The following NCOR1 variants were observed in gnomAD, a reference collection of about 807,000 sequenced individuals.
NCOR1 encodes protein phosphatase 1, regulatory subunit 109.
Under a neutral mutation model 288.1 loss-of-function variants are expected in NCOR1, and 63 were observed. That is an observed-to-expected ratio of 0.22 (90% CI 0.18 to 0.27). The LOEUF (loss-of-function observed/expected upper bound fraction) is 0.27, where lower values mean the gene tolerates loss of function less well. Among genes scored for constraint, NCOR1 ranks in the 10% least tolerant of loss-of-function variants. The probability of loss-of-function intolerance (pLI) is 1.00; values close to 1 mark genes in which losing one functional copy is unlikely to be tolerated. For missense variants in NCOR1, 2,397 were observed against 3,019.2 expected (o/e 0.79, Z 4.83); for synonymous variants, 1,007 against 1,065.9 (o/e 0.94, Z 1.08).
intron 18 of NCOR1, 137 bp downstream of exon 18, chr17:16,117,751 G>T (rs1568129780): frequency 1.1e-6 from 1 of 895,522 alleles, no homozygotes; most frequent in Non-Finnish European, 1.6e-6. Context: ...GAATCCGGGA[G>T]GAAGAGTTTG....
chr17:16,049,014 T>C, intron 40 of NCOR1, 26 bp from the exon 41 acceptor site: 1 of 1,570,126 alleles, frequency 6.4e-7, no homozygotes, highest in Non-Finnish European at 8.7e-7. Context: ...AAATATTAGA[T>C]TGTGTTTCAA....
At chr17:16,053,684 A>C (rs1216792497) in intron 40 of NCOR1, among the ~76,000 whole-genome samples, 1 of 152,184 alleles carries the variant, frequency 6.6e-6, no homozygotes, top group African/African-American at 2.4e-5. Context: ...ACAGAACTAC[A>C]AAAAACTATT....
intron 18 of NCOR1, among the ~76,000 whole-genome samples, chr17:16,110,523 T>C (rs1339826691): frequency 6.6e-6 from 1 of 152,216 alleles, no homozygotes; most frequent in Non-Finnish European, 1.5e-5. Flanking sequence ...GTTAGCTATT[T>C]ACATTATATT....
At chr17:16,092,691 ATATATTTTT>A (rs1169331081) in intron 21 of NCOR1, among the ~76,000 whole-genome samples, 58 of 10,780 alleles carry the variant, frequency 5.4e-3, no homozygotes, top group East Asian at 0.017. Context: ...ATATATATAT[ATATATTTTT>A]TTTTTTTTTT....
intron 31 of NCOR1, 57 bp downstream of exon 31, chr17:16,070,103 GTTTTT>G: frequency 7.5e-7 from 1 of 1,332,884 alleles, no homozygotes; most frequent in Non-Finnish European, 1.0e-6. Flanking sequence ...CTTGACAAAG[GTTTTT>G]TTTTTTTTTT....
intron 5 of NCOR1, among the ~76,000 whole-genome samples, chr17:16,163,553 T>C (rs1403425941): frequency 2.0e-5 from 3 of 152,214 alleles, no homozygotes; most frequent in Non-Finnish European, 4.4e-5. Flanking sequence ...GGAACCTCCA[T>C]ATACTGCTGG....
At chr17:16,143,149 A>G (rs1463841629) in intron 11 of NCOR1, among the ~76,000 whole-genome samples, 1 of 152,174 alleles carries the variant, frequency 6.6e-6, no homozygotes, top group Non-Finnish European at 1.5e-5. Flanking sequence ...TTTGAAGAAC[A>G]TACTGCCATT....
chr17:16,083,946 A>T (rs866179599), intron 23 of NCOR1: 6 of 152,236 alleles, frequency 3.9e-5, no homozygotes, highest in African/African-American at 1.4e-4. Flanking sequence ...AAAAAAAAAG[A>T]GAAGAGAAGA....
chr17:16,070,277 G>A lies in NCOR1; in HGVS notation c.4401C>T (p.Pro1467=). 6.2e-7 allele frequency: 1 copy of A among 1,614,102 alleles called. No individual in the cohort carries two copies. The highest frequency in any genetic ancestry group is 8.5e-7 in the Non-Finnish European group (1 of 1,180,026). ...SVLRSTLHEA[P]KAQLSPGIYD... Reference sequence around the variant, plus strand: ...AAATCCCAGGGCTCAGTTGTGCTTTGGGAGCTTCATGCAGTGTGGACCTAA... The same window carrying A: ...AAATCCCAGGGCTCAGTTGTGCTTTAGGAGCTTCATGCAGTGTGGACCTAA... The change falls in exon 31 of 46, where the codon CCC becomes CCT. Residue 1467 remains proline, a synonymous_variant. Transcript: ENST00000268712.
chr17:16,100,251 T>C (rs1362217487), intron 20 of NCOR1, among the ~76,000 whole-genome samples: 1 of 152,242 alleles, frequency 6.6e-6, no homozygotes, highest in East Asian at 1.9e-4. Flanking sequence ...GTAATAACTG[T>C]ACCTGTAAAA....
chr17:16,042,889 G>T (rs922845927), intron 42 of NCOR1, among the ~76,000 whole-genome samples: 4 of 152,168 alleles, frequency 2.6e-5, no homozygotes, highest in African/African-American at 9.7e-5. Flanking sequence ...GGAAAAGCTG[G>T]GCTACAGATA....
intron 4 of NCOR1, among the ~76,000 whole-genome samples, chr17:16,170,246 T>C (rs1248778260): frequency 6.6e-6 from 1 of 152,030 alleles, no homozygotes; most frequent in Non-Finnish European, 1.5e-5. Context: ...TGGGTACTTA[T>C]TTATCTGGTA....
chr17:16,039,252 G>A, intron 44 of NCOR1, 181 bp downstream of exon 44: 1 of 615,448 alleles, frequency 1.6e-6, no homozygotes, highest in Non-Finnish European at 2.8e-6. Context: ...TTTTATTTCT[G>A]TTCATATTAT....
intron 2 of NCOR1, among the ~76,000 whole-genome samples, chr17:16,191,302 A>G (rs2088218381): frequency 6.6e-6 from 1 of 152,184 alleles, no homozygotes; most frequent in African/African-American, 2.4e-5. Context: ...ACAAGCTTAG[A>G]AGTGGGGGAT....
intron 2 of NCOR1, among the ~76,000 whole-genome samples, chr17:16,193,030 G>C (rs1343572838): frequency 6.6e-6 from 1 of 152,196 alleles, no homozygotes; most frequent in Middle Eastern, 3.4e-3. Flanking sequence ...GTAGGAAGTC[G>C]GGGAGGAGGA....
At chr17:16,089,434 A>G (rs116843699) in intron 22 of NCOR1, among the ~76,000 whole-genome samples, 168 of 152,250 alleles carry the variant, frequency 1.1e-3, no homozygotes, top group Non-Finnish European at 2.1e-3. Context: ...AAGTGAAAAC[A>G]ATTCTCTAAG....
At chr17:16,173,458 A>G (rs1254460039) in intron 3 of NCOR1, among the ~76,000 whole-genome samples, 3 of 152,138 alleles carry the variant, frequency 2.0e-5, no homozygotes, top group Admixed American at 6.5e-5. Context: ...AAAAAGAAAT[A>G]AGCATTTTTA....
chr17:16,142,012 G>A (rs1411992664), intron 11 of NCOR1, among the ~76,000 whole-genome samples: 3 of 152,080 alleles, frequency 2.0e-5, no homozygotes, highest in Non-Finnish European at 4.4e-5. Flanking sequence ...CATATGAGGT[G>A]CTTATCACAA....
At position 16,031,394 on chromosome 17, in the gene NCOR1, C is replaced by G. The variant is rs1971957197; in HGVS notation, c.*902G>C. ...CCAGGAGCCTTAAACCACAAATAAT[C>G]TACTGTAGCTATGGACAGGGTAGTC... On this transcript the variant is annotated 3_prime_UTR_variant, in exon 46 of 46. Transcript: ENST00000268712. The G allele has an allele frequency of 5.2e-6, 1 of 190,990 alleles. No homozygotes were observed. Among genetic ancestry groups the G allele is most frequent in the African/African-American group, 2.3e-5 (1 of 43,002 alleles). The allele number at this position is 190,990 out of a possible 1,614,324, so 11.8% of individuals were successfully genotyped here.
Sources: allele counts gnomAD v4.1 joint callset (sites outside exome capture counted in the v4.1 genomes callset), GRCh38; gene constraint gnomAD v4.1.1; transcripts MANE v1.5; gene names NCBI Gene and HGNC (gene_info 2026-07-23, HGNC 2026-07-21).